LRP1B: variants seen among roughly 807,000 people sequenced by gnomAD.
LRP1B encodes low-density lipoprotein receptor-related protein 1B.
Under a neutral mutation model 556.6 loss-of-function variants are expected in LRP1B, and 217 were observed. The ratio of observed to expected loss-of-function variants is 0.39; its 90% CI spans 0.35 to 0.44. The LOEUF is 0.44. Ranked by LOEUF, LRP1B falls within the 20% of genes least tolerant of loss-of-function variation. The pLI is 1.00. For synonymous variants in LRP1B, 2,047 were observed against 1,865.8 expected, an observed-to-expected ratio of 1.10 and a Z score of -2.50; for missense variants, 5,053 against 5,620.8, an observed-to-expected ratio of 0.90 and a Z score of 3.23.
At chr2:140,258,153 C>A (rs912667923) in intron 86 of LRP1B, among the ~76,000 whole-genome samples, 3 of 152,038 alleles carry the variant, frequency 2.0e-5, no homozygotes, top group Admixed American at 6.6e-5. Flanking sequence ...GTATTACTCA[C>A]CCTAAGGACT....
At chr2:141,745,422 C>T (rs1018679131) in intron 2 of LRP1B, among the ~76,000 whole-genome samples, 2 of 152,140 alleles carry the variant, frequency 1.3e-5, no homozygotes, top group Admixed American at 6.5e-5. Context: ...CTTCCCTCCC[C>T]CTTCCACTGG....
intron 1 of LRP1B, among the ~76,000 whole-genome samples, chr2:142,029,546 G>A (rs886559438): frequency 6.6e-6 from 1 of 151,754 alleles, no homozygotes; most frequent in Non-Finnish European, 1.5e-5. Flanking sequence ...CTTGTATTTA[G>A]AAAGGTGAAG....
intron 41 of LRP1B, among the ~76,000 whole-genome samples, chr2:140,649,205 GT>G (rs1259713905): frequency 1.8e-4 from 28 of 152,114 alleles, no homozygotes; most frequent in Non-Finnish European, 2.2e-4. Flanking sequence ...TATCCTGGTA[GT>G]GATTTCCTAC....
At chr2:141,624,825 A>G (rs1457659462) in intron 2 of LRP1B, among the ~76,000 whole-genome samples, 3 of 152,102 alleles carry the variant, frequency 2.0e-5, no homozygotes, top group Admixed American at 1.3e-4. Context: ...GCTGGAGTGC[A>G]GTGGCGCGAT....
chr2:140,708,195 T>G (rs1686907932), intron 37 of LRP1B, among the ~76,000 whole-genome samples: 1 of 152,046 alleles, frequency 6.6e-6, no homozygotes, highest in South Asian at 2.1e-4. Flanking sequence ...GCTTGAACAA[T>G]GATAATGTTG....
At chr2:141,129,496 T>G (rs1230322357) in intron 7 of LRP1B, among the ~76,000 whole-genome samples, 1 of 151,698 alleles carries the variant, frequency 6.6e-6, no homozygotes, top group Non-Finnish European at 1.5e-5. Context: ...GAGCAATCCA[T>G]TATACTGCAA....
chr2:140,368,210 C>A (rs1183018405), intron 71 of LRP1B, among the ~76,000 whole-genome samples: 3 of 151,696 alleles, frequency 2.0e-5, no homozygotes, highest in Non-Finnish European at 4.4e-5. Flanking sequence ...TTCCAGTTTC[C>A]TGGTCATGTT....
At chr2:141,503,365 A>G (rs1213565855) in intron 2 of LRP1B, among the ~76,000 whole-genome samples, 1 of 151,248 alleles carries the variant, frequency 6.6e-6, no homozygotes, top group Non-Finnish European at 1.5e-5. Flanking sequence ...AGTTTTCCCT[A>G]ACTACTTCTG....
chr2:141,072,003 C>T (rs145475060), intron 7 of LRP1B, among the ~76,000 whole-genome samples: 86 of 152,176 alleles, frequency 5.7e-4, no homozygotes, highest in African/African-American at 2.0e-3. Context: ...GGAAAAACTA[C>T]TTTAAAGTTC....
intron 2 of LRP1B, among the ~76,000 whole-genome samples, chr2:141,592,663 T>C (rs1333426943): frequency 1.3e-5 from 2 of 152,124 alleles, no homozygotes; most frequent in African/African-American, 2.4e-5. Flanking sequence ...CTGGTATGAG[T>C]TGTGGAGAAA....
At chr2:141,089,828 C>T (rs769776930) in intron 7 of LRP1B, among the ~76,000 whole-genome samples, 17 of 152,328 alleles carry the variant, frequency 1.1e-4, no homozygotes, top group Admixed American at 2.0e-4. Context: ...GACAGTGCTT[C>T]GCCAAAGAAG....
At position 141,914,484 on chromosome 2, in the gene LRP1B, T is replaced by C. The variant is rs938351052; in HGVS notation, c.83-104083A>G. Among the ~76,000 whole-genome samples, 7 of 152,174 alleles carry C rather than the reference T, an allele frequency of 4.6e-5. No homozygotes were observed. The East Asian group carries it at 1.3e-3, about 29-fold the overall frequency. Reference sequence around the variant, plus strand: ...CTCTCACCATTCCAAATCAACATAGTACTGGAAGTCCTCGTCAGATAAATC... The same window carrying C: ...CTCTCACCATTCCAAATCAACATAGCACTGGAAGTCCTCGTCAGATAAATC... On this transcript the variant is annotated intron_variant, in intron 1 of 90. Transcript: ENST00000389484.
At chr2:140,243,688 A>G (rs2104892619) in intron 87 of LRP1B, among the ~76,000 whole-genome samples, 1 of 151,290 alleles carries the variant, frequency 6.6e-6, no homozygotes, top group South Asian at 2.1e-4. Context: ...GAGGCTGCCT[A>G]TCACCTTGGT....
chr2:141,663,932 AAAAAC>A (rs1690322283), intron 2 of LRP1B, among the ~76,000 whole-genome samples: 1 of 151,338 alleles, frequency 6.6e-6, no homozygotes, highest in Non-Finnish European at 1.5e-5. Flanking sequence ...AAAAAAAAAA[AAAAAC>A]AAAAACACAA....
chr2:141,282,467 ATATGTATATGTATATGTATATG>A (rs1685544539), intron 3 of LRP1B, among the ~76,000 whole-genome samples: 1 of 140,694 alleles, frequency 7.1e-6, no homozygotes, highest in African/African-American at 2.8e-5. Flanking sequence ...CGGGGGTTTT[ATATGTATATGTATATGTATATG>A]TATATGTATA....
At chr2:141,170,827 C>T (rs1422943512) in intron 7 of LRP1B, among the ~76,000 whole-genome samples, 3 of 151,982 alleles carry the variant, frequency 2.0e-5, no homozygotes, top group African/African-American at 7.2e-5. Flanking sequence ...ACACAGAGAG[C>T]AGAATAAATG....
chr2:140,671,316 T>C (rs185484054), intron 41 of LRP1B, among the ~76,000 whole-genome samples: 3,650 of 152,114 alleles, frequency 0.024, 62 homozygotes, highest in Middle Eastern at 0.037. Flanking sequence ...GTCAGGAGAT[T>C]GAGACCATCC....
chr2:140,314,806 GTTA>G lies in LRP1B; in HGVS notation c.12805+126_12805+128del, dbSNP rs1388265012. On this transcript the variant is annotated intron_variant, in intron 83 of 90. Transcript: ENST00000389484. ...ACAAATGCCATTGATTTAATTTTGT[GTTA>G]TTATATTGTGTTAGTCTATTGTTCA... 6 of 638,252 alleles carry G rather than the reference GTTA, an allele frequency of 9.4e-6. No homozygotes were observed. The Admixed American group carries it at 1.9e-4, about 20-fold the overall frequency. The allele number at this position is 638,252 out of a possible 1,614,324, so 39.5% of individuals were successfully genotyped here.
Position 142,002,737 on chromosome 2 carries a change from A to G in LRP1B, c.82+127911T>C, listed in dbSNP as rs930664341. On this transcript the variant is annotated intron_variant, in intron 1 of 90. Transcript: ENST00000389484. Reference sequence around the variant, plus strand: ...CTGAAGAGTTCTGCTTTGCTATATAACTTTCACCAAATCTGGCCCTTTCAG... The same window carrying G: ...CTGAAGAGTTCTGCTTTGCTATATAGCTTTCACCAAATCTGGCCCTTTCAG... Among the ~76,000 whole-genome samples, 50 of 151,928 alleles carry G rather than the reference A, an allele frequency of 3.3e-4. 1 individual carries two copies. Among genetic ancestry groups the G allele is most frequent in the Admixed American group, 6.6e-4 (10 of 15,208 alleles).
Sources: gnomAD v4.1 joint callset for allele counts (sites outside exome capture counted in the v4.1 genomes callset) on GRCh38, gnomAD v4.1.1 for gene constraint, MANE v1.5 for transcripts, NCBI Gene and HGNC (gene_info 2026-07-23, HGNC 2026-07-21) for gene names.